The following SENP6 variants were observed in gnomAD, a reference collection of about 807,000 sequenced individuals.
SENP6 encodes SUMO specific peptidase 6, also known as sentrin-specific protease 6.
In SENP6, 41 loss-of-function variants were observed where a neutral mutation model predicts 134.5. That is an observed-to-expected ratio of 0.30 (90% CI 0.24 to 0.40). SENP6 has a LOEUF of 0.40. Among genes scored for constraint, SENP6 ranks in the 10% least tolerant of loss-of-function variants. SENP6 has a pLI of 1.00. For missense variants in SENP6, 1,248 were observed against 1,312.5 expected (o/e 0.95, Z 0.76); for synonymous variants, 395 against 429.8 (o/e 0.92, Z 1.00).
At chr6:75,680,469 C>T (rs1168159172) in intron 16 of SENP6, among the ~76,000 whole-genome samples, 2 of 152,016 alleles carry the variant, frequency 1.3e-5, no homozygotes, top group African/African-American at 2.4e-5. Flanking sequence ...AAAGAGTATA[C>T]GGACAGATCC....
chr6:75,650,330 T>G (rs1252326348), intron 7 of SENP6, among the ~76,000 whole-genome samples: 2 of 152,206 alleles, frequency 1.3e-5, no homozygotes, highest in African/African-American at 4.8e-5. Flanking sequence ...AATTACCGTT[T>G]TTCCCTTGGT....
chr6:75,694,609 G>A (rs1224159793), intron 16 of SENP6, among the ~76,000 whole-genome samples: 2 of 152,040 alleles, frequency 1.3e-5, no homozygotes, highest in Non-Finnish European at 2.9e-5. Context: ...CTGGCTTTTT[G>A]TATTCTGAAC....
At chr6:75,616,985 C>T (rs1421222480) in intron 1 of SENP6, among the ~76,000 whole-genome samples, 1 of 151,954 alleles carries the variant, frequency 6.6e-6, no homozygotes, top group African/African-American at 2.4e-5. Context: ...GTCCAATCCT[C>T]CTATCCCAGT....
chr6:75,653,358 T>C (rs1771065359), intron 7 of SENP6, among the ~76,000 whole-genome samples: 1 of 152,166 alleles, frequency 6.6e-6, no homozygotes, highest in Non-Finnish European at 1.5e-5. Flanking sequence ...TGTCAAATAG[T>C]ACATTGTAGT....
chr6:75,647,603 A>T, intron 6 of SENP6, 128 bp from the exon 7 acceptor site: 1 of 492,918 alleles, frequency 2.0e-6, no homozygotes, highest in Non-Finnish European at 3.6e-6. Flanking sequence ...ATTTTATAGT[A>T]TCACTTTTTA....
At chr6:75,707,790 C>T (rs1775503086) in intron 19 of SENP6, among the ~76,000 whole-genome samples, 1 of 152,118 alleles carries the variant, frequency 6.6e-6, no homozygotes, top group South Asian at 2.1e-4. Context: ...TCAAGTGATC[C>T]TCCCACCTCA....
At chr6:75,669,383 A>G (rs1562028747) in intron 10 of SENP6, among the ~76,000 whole-genome samples, 1 of 152,198 alleles carries the variant, frequency 6.6e-6, no homozygotes, top group African/African-American at 2.4e-5. Context: ...GAAAATATTA[A>G]TGATAAATCT....
At chr6:75,701,084 C>G (rs923175189) in intron 18 of SENP6, among the ~76,000 whole-genome samples, 2 of 152,154 alleles carry the variant, frequency 1.3e-5, no homozygotes, top group African/African-American at 4.8e-5. Context: ...TTTCTTAGTA[C>G]TAACTTGGGT....
intron 1 of SENP6, among the ~76,000 whole-genome samples, chr6:75,619,686 C>T (rs745501644): frequency 5.3e-5 from 8 of 152,076 alleles, no homozygotes; most frequent in Non-Finnish European, 1.0e-4. Flanking sequence ...TGAGGAACTG[C>T]CAAATTATTT....
chr6:75,625,464 A>C (rs1768610386), intron 3 of SENP6, among the ~76,000 whole-genome samples: 1 of 152,086 alleles, frequency 6.6e-6, no homozygotes, highest in Admixed American at 6.6e-5. Flanking sequence ...GTCTTTGCTT[A>C]TGGTGGCTAT....
At chr6:75,656,092 G>A (rs1286384529) in intron 7 of SENP6, among the ~76,000 whole-genome samples, 1 of 151,754 alleles carries the variant, frequency 6.6e-6, no homozygotes, top group Non-Finnish European at 1.5e-5. Flanking sequence ...ACGCATGCCT[G>A]TAATCCCAGC....
At chr6:75,659,228 A>G in intron 7 of SENP6, 34 bp from the exon 8 acceptor site, 1 of 1,526,232 alleles carries the variant, frequency 6.6e-7, no homozygotes, top group Non-Finnish European at 8.9e-7. Flanking sequence ...ATTTTAACTA[A>G]AACTTAAAGT....
At chr6:75,659,814 T>TATCG (rs765194776) in intron 8 of SENP6, among the ~76,000 whole-genome samples, 14 of 152,284 alleles carry the variant, frequency 9.2e-5, no homozygotes, top group South Asian at 6.2e-4. Flanking sequence ...CATAAACGTG[T>TATCG]GTATATGTAT....
chr6:75,630,282 C>G (rs1769011413), intron 3 of SENP6, among the ~76,000 whole-genome samples: 1 of 152,064 alleles, frequency 6.6e-6, no homozygotes, highest in Non-Finnish European at 1.5e-5. Flanking sequence ...GTTGGTCAGG[C>G]TGGTCTCAAA....
intron 3 of SENP6, among the ~76,000 whole-genome samples, chr6:75,629,774 T>C (rs1032138055): frequency 6.6e-6 from 1 of 152,162 alleles, no homozygotes; most frequent in Non-Finnish European, 1.5e-5. Flanking sequence ...AAAATTAATA[T>C]AGTTAATAAG....
intron 6 of SENP6, chr6:75,647,455 TTTTG>T (rs1770540889): frequency 4.2e-6 from 1 of 240,250 alleles, no homozygotes; most frequent in Admixed American, 5.4e-5. Flanking sequence ...ACGTAACGTT[TTTTG>T]TTCTGATTTT....
At chr6:75,655,740 C>T (rs1771273557) in intron 7 of SENP6, among the ~76,000 whole-genome samples, 1 of 152,008 alleles carries the variant, frequency 6.6e-6, no homozygotes, top group African/African-American at 2.4e-5. Flanking sequence ...GGGTTGTTTC[C>T]AGTTTTTGTC....
At position 75,602,267 on chromosome 6, in the gene SENP6, C is replaced by T. The variant is rs1037751776; in HGVS notation, c.-258C>T. The T allele has an allele frequency of 7.9e-6, 3 of 378,134 alleles. No individual in the cohort carries two copies. The allele number at this position is 378,134 out of a possible 1,614,324, so 23.4% of individuals were successfully genotyped here. A position where few individuals can be genotyped will look rare whatever the true frequency, so the allele number is the denominator to read the frequency against. On this transcript the variant is annotated 5_prime_UTR_variant, in exon 1 of 24. Transcript: ENST00000447266. ...CGGGAAGCGCCGTCGTCGTCGTCGC[C>T]GGTCGCGTTCCCCCGGAGAGGCCTG...
chr6:75,699,354 C>CTTTTTTTTTTTTTT (rs71544060), intron 18 of SENP6, among the ~76,000 whole-genome samples: 1 of 115,014 alleles, frequency 8.7e-6, no homozygotes, highest in Non-Finnish European at 1.8e-5. Flanking sequence ...TTTGTTTTTG[C>CTTTTTTTTTTTTTT]TTTTTTTTTT....
Sources: allele counts gnomAD v4.1 joint callset (sites outside exome capture counted in the v4.1 genomes callset), GRCh38; gene constraint gnomAD v4.1.1; transcripts MANE v1.5; gene names NCBI Gene and HGNC (gene_info 2026-07-23, HGNC 2026-07-21).